Variants in ZNF652 observed in about 807,000 individuals in gnomAD.
The protein encoded by ZNF652 is zinc finger protein 652.
A neutral mutation model predicts 45.2 loss-of-function variants in ZNF652; 16 were observed. That is an observed-to-expected ratio of 0.35 (90% confidence interval 0.24 to 0.54). The LOEUF is 0.54. Among genes scored for constraint, ZNF652 ranks in the 20% least tolerant of loss-of-function variants. The pLI is 0.91. For missense variants in ZNF652, 614 were observed against 765.6 expected (o/e 0.80, Z 2.34); for synonymous variants, 250 against 260.6 (o/e 0.96, Z 0.39).
At chr17:49,300,368 G>A (rs181928818) in intron 5 of ZNF652, among the ~76,000 whole-genome samples, 1 of 152,238 alleles carries the variant, frequency 6.6e-6, no homozygotes, top group Admixed American at 6.5e-5. Flanking sequence ...GTGGGCCAGC[G>A]AGTCAAAACA....
chr17:49,310,866 C>A (rs374568115), intron 5 of ZNF652, among the ~76,000 whole-genome samples: 3 of 152,164 alleles, frequency 2.0e-5, no homozygotes, highest in Non-Finnish European at 4.4e-5. Flanking sequence ...CGCGCCACTG[C>A]CCTCCAGCCT....
intron 1 of ZNF652, among the ~76,000 whole-genome samples, chr17:49,331,223 G>A (rs560342977): frequency 6.1e-5 from 9 of 147,432 alleles, no homozygotes; most frequent in African/African-American, 2.2e-4. Flanking sequence ...CCAGGTTCAC[G>A]CCATTCTCCT....
At chr17:49,315,774 C>T (rs148448428) in intron 2 of ZNF652, among the ~76,000 whole-genome samples, 2 of 152,102 alleles carry the variant, frequency 1.3e-5, no homozygotes, top group South Asian at 4.1e-4. Flanking sequence ...ATTTACCCAG[C>T]GTGTTGGAGA....
chr17:49,313,339 A>G (rs1441871154), intron 2 of ZNF652, among the ~76,000 whole-genome samples: 2 of 151,888 alleles, frequency 1.3e-5, no homozygotes, highest in African/African-American at 4.8e-5. Context: ...TTGTATTTTT[A>G]GTAGAGACAG....
chr17:49,292,784 A>G lies in ZNF652; in HGVS notation c.*5629T>C, dbSNP rs1042895089. Among the ~76,000 whole-genome samples the G allele has an allele frequency of 2.0e-5, 3 of 152,254 alleles. No individual in the cohort carries two copies. Among genetic ancestry groups the G allele is most frequent in the African/African-American group, 7.2e-5 (3 of 41,466 alleles). On this transcript the variant is annotated 3_prime_UTR_variant, in exon 6 of 6. Transcript: ENST00000430262. ...ACAGAGAGACGAAATATGTGAAGAA[A>G]TAAGATATAAATAAAAGTTAAAAAT...
chr17:49,330,108 T>G (rs902490472), intron 1 of ZNF652, among the ~76,000 whole-genome samples: 1 of 152,190 alleles, frequency 6.6e-6, no homozygotes, highest in African/African-American at 2.4e-5. Flanking sequence ...AAGGTAAGTT[T>G]TGTGTGTACT....
Position 49,336,942 on chromosome 17 carries a change from GTT to G in ZNF652, c.-258-18961_-258-18960del, listed in dbSNP as rs200178711. Among the ~76,000 whole-genome samples the G allele has an allele frequency of 6.4e-3, 737 of 115,118 alleles. 5 individuals carry two copies. The highest frequency in any genetic ancestry group is 7.5e-3 in the Non-Finnish European group (431 of 57,284). The allele number at this position is 115,118 out of a possible 152,430, so 75.5% of individuals were successfully genotyped here. The stretch of plus-strand genomic sequence containing the variant: ...GCCCCGGCCTACTTTTCTTAATGGT[GTT>G]TTTTTTTTTTTTTTTTTTTTTAAGT... On this transcript the variant is annotated intron_variant, in intron 1 of 5. Transcript: ENST00000430262.
chr17:49,317,553 G>A lies in ZNF652; in HGVS notation c.173C>T (p.Pro58Leu). ...CTTGGTGTCCACTAACACAGAATAA[G>A]GACTTCCTGATTCCCTTTTGTACAC... ...TKVYKRESGSPYSVLVDTKMS... is the reference protein window; with the variant it reads ...TKVYKRESGSLYSVLVDTKMS... The change falls in exon 2 of 6, where the codon CCT becomes CTT. Residue 58 changes from proline (P) to leucine (L), a missense_variant. Pro to Leu is a moderately conservative substitution (Grantham distance 98). Coordinates refer to ENST00000430262, the MANE Select transcript of ZNF652 (RefSeq NM_001145365.3). 3.7e-6 allele frequency: 6 copies of A among 1,614,104 alleles called. No homozygotes were observed. The highest frequency in any genetic ancestry group is 5.1e-6 in the Non-Finnish European group (6 of 1,180,000).
chr17:49,352,857 A>G lies in ZNF652; in HGVS notation c.-259+9052T>C, dbSNP rs115575877. On this transcript the variant is annotated intron_variant, in intron 1 of 5. Transcript: ENST00000430262. Reference sequence around the variant, plus strand: ...TTAGAAAAATCTCAGCAGCATTACTATGACTAAAAGAAGCCAGTCTCTAAA... The same window carrying G: ...TTAGAAAAATCTCAGCAGCATTACTGTGACTAAAAGAAGCCAGTCTCTAAA... Among the ~76,000 whole-genome samples the G allele has an allele frequency of 6.9e-3, 1,052 of 152,324 alleles. 8 individuals carry two copies. The highest frequency in any genetic ancestry group is 0.024 in the African/African-American group (999 of 41,566).
At chr17:49,300,850 G>A (rs2069543238) in intron 5 of ZNF652, among the ~76,000 whole-genome samples, 1 of 152,054 alleles carries the variant, frequency 6.6e-6, no homozygotes, top group Non-Finnish European at 1.5e-5. Context: ...GACTGTATGA[G>A]GCAGGTATAT....
In ZNF652 at chr17:49,311,337, G is replaced by A. The variant is rs747181257; in HGVS notation, c.1284C>T (p.Phe428=). 142 of 1,613,890 alleles carry A rather than the reference G, an allele frequency of 8.8e-5. 3 individuals carry two copies. In the South Asian group the frequency reaches 1.4e-3, roughly 15 times the overall value. ...CAGTGTGTGTTTTCATGTGTTCGTC[G>A]AAGTACTGCTTCATGTTGAAATCCT... ...CGKDFNMKQY[F]DEHMKTHTGE... The change falls in exon 5 of 6, where the codon TTC becomes TTT. Residue 428 remains phenylalanine, a synonymous_variant. Coordinates refer to ENST00000430262, the MANE Select transcript of ZNF652 (RefSeq NM_001145365.3).
At position 49,291,420 on chromosome 17, in the gene ZNF652, C is replaced by A. The variant is rs768897066; in HGVS notation, c.*6993G>T. 4.6e-5 allele frequency: 7 copies of A among 152,220 alleles called. No homozygotes were observed. Among genetic ancestry groups the A allele is most frequent in the Non-Finnish European group, 8.8e-5 (6 of 68,056 alleles). 9.4% of individuals were successfully genotyped at this position (152,220 alleles called of 1,614,324 possible). ...TTTCCTTCTGAAGTTAAGCAAAATT[C>A]AGCTTCTACCTCCTTTCTTGCCCCA... On this transcript the variant is annotated 3_prime_UTR_variant, in exon 6 of 6. Transcript: ENST00000430262.
rs1450036024 is a variant in ZNF652 at position 49,325,919 on chromosome 17, T to A, written c.-258-7936A>T. On this transcript the variant is annotated intron_variant, in intron 1 of 5. Transcript: ENST00000430262. ...AAACATTTATTTTTGTTTTTATTAG[T>A]GCAAAGACTATGGTGTTCCACAGAT... is the stretch of plus-strand genomic sequence containing the variant. Among the ~76,000 whole-genome samples the A allele has an allele frequency of 1.2e-4, 18 of 152,322 alleles. No homozygotes were observed. In the South Asian group the frequency reaches 3.5e-3, roughly 30 times the overall value.
intron 1 of ZNF652, among the ~76,000 whole-genome samples, chr17:49,320,802 T>C (rs574956095): frequency 2.6e-5 from 4 of 152,236 alleles, no homozygotes; most frequent in African/African-American, 9.6e-5. Context: ...TAAAGAGTAA[T>C]CATTAATTCA....
chr17:49,325,611 G>A (rs935265864), intron 1 of ZNF652, among the ~76,000 whole-genome samples: 2 of 151,822 alleles, frequency 1.3e-5, no homozygotes, highest in African/African-American at 4.8e-5. Flanking sequence ...AATAAAACAA[G>A]GTAGGCCTTC....
At chr17:49,337,278 G>T (rs1027377626) in intron 1 of ZNF652, among the ~76,000 whole-genome samples, 3 of 147,344 alleles carry the variant, frequency 2.0e-5, no homozygotes, top group Admixed American at 6.9e-5. Flanking sequence ...CCAGGCTATA[G>T]TAAGCTATGA....
rs1431015794 is a variant in ZNF652 at position 49,292,617 on chromosome 17, T to C, written c.*5796A>G. ...AACAGCAGCACTCAGGATCCTTTCA[T>C]CAGAAAGGGGAGGCATTCAGGAAGA... On this transcript the variant is annotated 3_prime_UTR_variant, in exon 6 of 6. Coordinates refer to ENST00000430262, the MANE Select transcript of ZNF652 (RefSeq NM_001145365.3). Among the ~76,000 whole-genome samples, 1 of 152,036 alleles carries C rather than the reference T, an allele frequency of 6.6e-6. No homozygotes were observed. Among genetic ancestry groups the C allele is most frequent in the Non-Finnish European group, 1.5e-5 (1 of 68,018 alleles).
At position 49,293,093 on chromosome 17, in the gene ZNF652, A is replaced by T. The variant is rs2069424551; in HGVS notation, c.*5320T>A. ...TGTGTCTGTCATAAAGAAATAAAAC[A>T]ACTCCAGGAACCTGTGACCATACAT... On this transcript the variant is annotated 3_prime_UTR_variant, in exon 6 of 6. Transcript: ENST00000430262. Among the ~76,000 whole-genome samples, 1 of 152,230 alleles carries T rather than the reference A, an allele frequency of 6.6e-6. No homozygotes were observed. The highest frequency in any genetic ancestry group is 6.5e-5 in the Admixed American group (1 of 15,268).
intron 2 of ZNF652, among the ~76,000 whole-genome samples, chr17:49,314,200 C>T (rs561482786): frequency 1.6e-4 from 24 of 151,744 alleles, no homozygotes; most frequent in South Asian, 6.2e-4. Flanking sequence ...CTCACTCTGT[C>T]GCCCAGGCTG....
Sources: gnomAD v4.1 joint callset for allele counts (sites outside exome capture counted in the v4.1 genomes callset) on GRCh38, gnomAD v4.1.1 for gene constraint, MANE v1.5 for transcripts, NCBI Gene and HGNC (gene_info 2026-07-23, HGNC 2026-07-21) for gene names.